CCSER1: variants seen among roughly 807,000 people sequenced by gnomAD.
The protein encoded by CCSER1 is coiled-coil serine rich protein 1.
Under a neutral mutation model 82.0 loss-of-function variants are expected in CCSER1, and 41 were observed. The ratio of observed to expected loss-of-function variants is 0.50; its 90% confidence interval spans 0.39 to 0.65. The LOEUF (loss-of-function observed/expected upper bound fraction) is 0.65, where lower values mean the gene tolerates loss of function less well. Ranked by LOEUF, CCSER1 falls within the 30% of genes least tolerant of loss-of-function variation. CCSER1 has a pLI of 0.00. For missense variants in CCSER1, 1,119 were observed against 1,064.2 expected (o/e 1.05, Z -0.72); for synonymous variants, 414 against 383.9 (o/e 1.08, Z -0.92).
At chr4:91,562,144 T>G (rs775866227) in intron 10 of CCSER1, among the ~76,000 whole-genome samples, 1 of 151,494 alleles carries the variant, frequency 6.6e-6, no homozygotes, top group Admixed American at 6.6e-5. Flanking sequence ...TTTACCAAAG[T>G]TATTTTCTTT....
At chr4:90,861,926 A>ATATATATATAT (rs1486179354) in intron 8 of CCSER1, among the ~76,000 whole-genome samples, 13 of 125,662 alleles carry the variant, frequency 1.0e-4, no homozygotes, top group South Asian at 1.0e-3. Flanking sequence ...ATATATATAT[A>ATATATATATAT]TTTTTTTTTT....
intron 5 of CCSER1, among the ~76,000 whole-genome samples, chr4:90,519,717 A>G (rs1005304005): frequency 1.3e-5 from 2 of 152,024 alleles, no homozygotes; most frequent in Non-Finnish European, 2.9e-5. Flanking sequence ...TAAAATATTG[A>G]TTGATGGCAC....
intron 10 of CCSER1, among the ~76,000 whole-genome samples, chr4:91,209,145 A>G (rs1242077868): frequency 6.6e-6 from 1 of 151,984 alleles, no homozygotes; most frequent in Non-Finnish European, 1.5e-5. Flanking sequence ...ACATAGAATC[A>G]TGTCATCTGC....
intron 7 of CCSER1, among the ~76,000 whole-genome samples, chr4:90,734,572 T>C (rs1745341334): frequency 6.6e-6 from 1 of 152,210 alleles, no homozygotes; most frequent in East Asian, 1.9e-4. Context: ...TTTATAGCTA[T>C]TGTAAATTGG....
intron 5 of CCSER1, among the ~76,000 whole-genome samples, chr4:90,471,029 G>A (rs1252119502): frequency 3.3e-5 from 5 of 152,068 alleles, no homozygotes; most frequent in East Asian, 1.9e-4. Flanking sequence ...AATAATGAAT[G>A]TTCCATATAG....
chr4:90,801,665 A>T (rs183766169), intron 7 of CCSER1, among the ~76,000 whole-genome samples: 3 of 152,312 alleles, frequency 2.0e-5, no homozygotes, highest in Admixed American at 2.0e-4. Context: ...ACCATCCCGT[A>T]AAAGATAAAT....
chr4:91,382,998 CA>C (rs1751029130), intron 10 of CCSER1, among the ~76,000 whole-genome samples: 1 of 142,172 alleles, frequency 7.0e-6, no homozygotes, highest in Non-Finnish European at 1.6e-5. Flanking sequence ...TGATCATTAT[CA>C]TTTTTTTTTT....
chr4:90,890,636 T>C (rs1229876494), intron 8 of CCSER1, among the ~76,000 whole-genome samples: 2 of 152,166 alleles, frequency 1.3e-5, no homozygotes, highest in Non-Finnish European at 2.9e-5. Context: ...TCCAGAGCTT[T>C]CCTGTGGGAT....
At chr4:90,137,602 T>TG (rs1723928461) in intron 1 of CCSER1, among the ~76,000 whole-genome samples, 1 of 152,066 alleles carries the variant, frequency 6.6e-6, no homozygotes, top group Non-Finnish European at 1.5e-5. Context: ...AATAAATGGA[T>TG]GAGATATTTT....
chr4:90,564,876 A>T (rs1779185627), intron 5 of CCSER1, among the ~76,000 whole-genome samples: 2 of 151,700 alleles, frequency 1.3e-5, no homozygotes, highest in South Asian at 2.1e-4. Flanking sequence ...GTTCCATTGG[A>T]CTATGTGTCT....
At chr4:91,325,372 C>A in intron 10 of CCSER1, 2 of 321,144 alleles carry the variant, frequency 6.2e-6, no homozygotes, top group Admixed American at 4.4e-5. Context: ...CATAAGTATG[C>A]CATGTGTCAT....
chr4:91,385,267 G>T (rs563021542), intron 10 of CCSER1, among the ~76,000 whole-genome samples: 1 of 151,998 alleles, frequency 6.6e-6, no homozygotes, highest in South Asian at 2.1e-4. Flanking sequence ...TTTATGAAAG[G>T]TATGGGGTGA....
At chr4:91,438,892 T>C (rs1754891270) in intron 10 of CCSER1, among the ~76,000 whole-genome samples, 1 of 151,830 alleles carries the variant, frequency 6.6e-6, no homozygotes, top group African/African-American at 2.4e-5. Context: ...TGATGGAAGA[T>C]GAAATGAACG....
chr4:90,627,631 AT>A (rs1297642046), intron 5 of CCSER1, among the ~76,000 whole-genome samples: 1 of 152,108 alleles, frequency 6.6e-6, no homozygotes, highest in Non-Finnish European at 1.5e-5. Context: ...TTACCACTAA[AT>A]GTATATTTGA....
rs535795061 is a variant in CCSER1 at position 90,922,230 on chromosome 4, A to T, written c.2095-1140A>T. Among the ~76,000 whole-genome samples, 3 of 151,974 alleles carry T rather than the reference A, an allele frequency of 2.0e-5. No individual in the cohort carries two copies. In the South Asian group the frequency reaches 6.2e-4, roughly 31 times the overall value. The stretch of plus-strand genomic sequence containing the variant: ...AAATTATGTACGTACTTTGATAAAC[A>T]TCTCAGATAATCTTGAAAATACCAA... On this transcript the variant is annotated intron_variant, in intron 8 of 10. Transcript: ENST00000509176.
At chr4:90,944,360 C>A (rs528163672) in intron 9 of CCSER1, among the ~76,000 whole-genome samples, 1 of 152,148 alleles carries the variant, frequency 6.6e-6, no homozygotes, top group East Asian at 1.9e-4. Context: ...AAATTAGACT[C>A]ATACCAATCA....
intron 10 of CCSER1, among the ~76,000 whole-genome samples, chr4:91,345,811 A>G (rs1342548268): frequency 1.3e-5 from 2 of 152,128 alleles, no homozygotes; most frequent in Non-Finnish European, 2.9e-5. Flanking sequence ...TCACTTCCCT[A>G]AATTGCCCTG....
chr4:90,169,019 A>C (rs1452521726), intron 1 of CCSER1, among the ~76,000 whole-genome samples: 1 of 151,944 alleles, frequency 6.6e-6, no homozygotes, highest in East Asian at 1.9e-4. Flanking sequence ...GAAGAAAGTC[A>C]TTGGTAGCTT....
At chr4:90,271,138 T>C (rs775823525) in intron 1 of CCSER1, among the ~76,000 whole-genome samples, 1 of 151,850 alleles carries the variant, frequency 6.6e-6, no homozygotes. Context: ...AGAAAAAAAA[T>C]GCTAAAATTT....
Sources: gnomAD v4.1 joint callset for allele counts (sites outside exome capture counted in the v4.1 genomes callset) on GRCh38, gnomAD v4.1.1 for gene constraint, MANE v1.5 for transcripts, NCBI Gene and HGNC (gene_info 2026-07-23, HGNC 2026-07-21) for gene names.